Variants in DIAPH2 observed in about 807,000 individuals in gnomAD.
DIAPH2 encodes protein diaphanous homolog 2.
DIAPH2 carries 35 observed loss-of-function variants against 92.7 expected under a neutral mutation model. The observed-to-expected ratio is 0.38, with a 90% CI of 0.29 to 0.50. The LOEUF (loss-of-function observed/expected upper bound fraction) is 0.50. Ranked by LOEUF, DIAPH2 falls within the 20% of genes least tolerant of loss-of-function variation. The pLI, the probability that DIAPH2 is intolerant of heterozygous loss-of-function variation, is 0.94. For missense variants in DIAPH2, 701 were observed against 819.5 expected (o/e 0.86, Z 1.77); for synonymous variants, 301 against 280.4 (o/e 1.07, Z -0.73).
intron 22 of DIAPH2, among the ~76,000 whole-genome samples, chrX:97,237,986 AAGGT>A (rs780827668): frequency 1.7e-3 from 188 of 112,041 alleles, no homozygotes; most frequent in African/African-American, 5.7e-3. Context: ...ACTGTCAAGA[AAGGT>A]AGGAGATTTC....
At chrX:97,547,217 G>C (rs2071188016) in intron 26 of DIAPH2, among the ~76,000 whole-genome samples, 1 of 111,052 alleles carries the variant, frequency 9.0e-6, no homozygotes, top group Admixed American at 9.6e-5. Context: ...CTCTTGCTAG[G>C]GATCATTGGC....
intron 26 of DIAPH2, among the ~76,000 whole-genome samples, chrX:97,585,688 A>T (rs998184469): frequency 1.4e-4 from 15 of 109,536 alleles, no homozygotes; most frequent in African/African-American, 5.0e-4. Context: ...AGAAAATATC[A>T]CCCCTTTCAG....
At chrX:97,596,154 G>C (rs937696591) in intron 26 of DIAPH2, among the ~76,000 whole-genome samples, 2 of 111,968 alleles carry the variant, frequency 1.8e-5, no homozygotes, top group Non-Finnish European at 3.8e-5. Flanking sequence ...TAAGGCTCAT[G>C]TTTACAAACA....
chrX:97,009,272 A>G (rs1190517284), intron 17 of DIAPH2, among the ~76,000 whole-genome samples: 1 of 111,317 alleles, frequency 9.0e-6, no homozygotes, highest in Non-Finnish European at 1.9e-5. Flanking sequence ...AGGGCTCTTC[A>G]GGCAGCTTGC....
At chrX:96,878,869 T>A (rs770575426) in intron 4 of DIAPH2, among the ~76,000 whole-genome samples, 1 of 112,155 alleles carries the variant, frequency 8.9e-6, no homozygotes, top group African/African-American at 3.2e-5. Flanking sequence ...ATATTCAGCA[T>A]CTCTGAATAT....
Position 97,114,902 on chromosome X carries a change from C to T in DIAPH2, c.2526C>T (p.Asn842=). 4.1e-6 allele frequency: 5 copies of T among 1,206,283 alleles called. No homozygotes were observed. Among genetic ancestry groups the T allele is most frequent in the Non-Finnish European group, 5.6e-6 (5 of 891,949 alleles). The change falls in exon 21 of 27, where the codon AAC becomes AAT. Residue 842 remains asparagine (N), a synonymous_variant. Coordinates refer to ENST00000324765, the MANE Select transcript of DIAPH2 (RefSeq NM_006729.5). ...RLLELVLLVG[N]YMNSGSRNAQ... ...TAGAGTTAGTTCTTCTTGTTGGAAA[C>T]TACATGAACTCAGGCTCAAGAAATG...
chrX:97,119,020 G>A (rs1410743619), intron 21 of DIAPH2, among the ~76,000 whole-genome samples: 8 of 111,330 alleles, frequency 7.2e-5, no homozygotes, highest in Non-Finnish European at 1.1e-4. Flanking sequence ...CCTGATTAGC[G>A]TAATAACCAA....
intron 17 of DIAPH2, among the ~76,000 whole-genome samples, chrX:97,055,169 G>A (rs1404841166): frequency 1.9e-5 from 2 of 107,257 alleles, no homozygotes; most frequent in African/African-American, 6.8e-5. Context: ...CTCCCGCCTC[G>A]GCCTCCCAAA....
chrX:97,525,898 T>G (rs1054992466), intron 26 of DIAPH2, among the ~76,000 whole-genome samples: 5 of 112,184 alleles, frequency 4.5e-5, no homozygotes, highest in Non-Finnish European at 9.4e-5. Context: ...ATATGTTGAA[T>G]ATTTTGATAG....
intron 17 of DIAPH2, among the ~76,000 whole-genome samples, chrX:96,990,957 T>G (rs749887823): frequency 9.0e-6 from 1 of 111,232 alleles, no homozygotes; most frequent in South Asian, 3.8e-4. Flanking sequence ...TAAAAAAAAA[T>G]TCAATTTAAA....
intron 10 of DIAPH2, among the ~76,000 whole-genome samples, 171 bp from the exon 11 acceptor site, chrX:96,937,062 G>A (rs1470349667): frequency 8.9e-6 from 1 of 111,895 alleles, no homozygotes. Context: ...GTCCTTTTAT[G>A]TTGAAACAGA....
intron 21 of DIAPH2, among the ~76,000 whole-genome samples, chrX:97,128,607 G>A (rs1252298400): frequency 1.8e-5 from 2 of 111,887 alleles, no homozygotes; most frequent in African/African-American, 6.5e-5. Flanking sequence ...GATGAACTTT[G>A]TTGTTTGTAT....
At chrX:97,312,449 A>C (rs1444045631) in intron 23 of DIAPH2, among the ~76,000 whole-genome samples, 3 of 100,214 alleles carry the variant, frequency 3.0e-5, no homozygotes, top group Non-Finnish European at 4.0e-5. Context: ...TCCCCAGTTC[A>C]AGAGATTCTC....
intron 22 of DIAPH2, among the ~76,000 whole-genome samples, chrX:97,146,438 A>G (rs1468536946): frequency 9.0e-6 from 1 of 110,837 alleles, no homozygotes; most frequent in Non-Finnish European, 1.9e-5. Context: ...ATTACTACCA[A>G]TATCTTTTTT....
At chrX:96,770,197 CAAA>C (rs539855244) in intron 4 of DIAPH2, among the ~76,000 whole-genome samples, 1 of 54,722 alleles carries the variant, frequency 1.8e-5, no homozygotes. Context: ...GACTGTGTCT[CAAA>C]AAAAAAAAAA....
intron 23 of DIAPH2, among the ~76,000 whole-genome samples, chrX:97,264,644 A>G (rs2068319898): frequency 8.9e-6 from 1 of 112,227 alleles, no homozygotes; most frequent in African/African-American, 3.2e-5. Context: ...GGTCCTCACA[A>G]CTTCTTACCC....
rs2071590803 is a variant in DIAPH2 at position 97,600,929 on chromosome X, G to GTATT, written c.*1613_*1616dup. 1 of 111,198 alleles carries GTATT rather than the reference G, an allele frequency of 9.0e-6. No individual in the cohort carries two copies. Among genetic ancestry groups the GTATT allele is most frequent in the African/African-American group, 3.3e-5 (1 of 30,491 alleles). The allele number at this position is 111,198 out of a possible 1,213,427, so 9.2% of individuals were successfully genotyped here. A position where few individuals can be genotyped will look rare whatever the true frequency, so the allele number is the denominator to read the frequency against. ...TTGCCTCCAGTGCATCCTTACTTAG[G>GTATT]TATTATACTTCTTTAAAAAGCTCTG... is the stretch of plus-strand genomic sequence containing the variant. On this transcript the variant is annotated 3_prime_UTR_variant, in exon 27 of 27. Coordinates refer to ENST00000324765, the MANE Select transcript of DIAPH2 (RefSeq NM_006729.5).
chrX:97,429,540 G>A, intron 25 of DIAPH2, 110 bp from the exon 26 acceptor site: 1 of 1,013,614 alleles, frequency 9.9e-7, no homozygotes, highest in Non-Finnish European at 1.3e-6. Flanking sequence ...ACAGATATAT[G>A]TCTTTAATTT....
chrX:97,499,828 T>C (rs2070783238), intron 26 of DIAPH2, among the ~76,000 whole-genome samples: 1 of 112,479 alleles, frequency 8.9e-6, no homozygotes, highest in Admixed American at 9.4e-5. Flanking sequence ...ATTTCTACTA[T>C]GTAAATAGAG....
Sources: gnomAD v4.1 joint callset for allele counts (sites outside exome capture counted in the v4.1 genomes callset) on GRCh38, gnomAD v4.1.1 for gene constraint, MANE v1.5 for transcripts, NCBI Gene and HGNC (gene_info 2026-07-23, HGNC 2026-07-21) for gene names.